Variants in GALNT18 observed in about 807,000 individuals in gnomAD.
GALNT18 encodes GalNAc-transferase 18.
GALNT18 carries 44 observed loss-of-function variants against 69.5 expected under a neutral mutation model. That is an observed-to-expected ratio of 0.63 (90% CI 0.50 to 0.81). GALNT18 has a LOEUF of 0.81. GALNT18 is among the 40% of genes least tolerant of loss of function. The pLI is 0.00. For synonymous variants in GALNT18, 364 were observed against 318.2 expected, an observed-to-expected ratio of 1.14 and a Z score of -1.53; for missense variants, 715 against 810.0, an observed-to-expected ratio of 0.88 and a Z score of 1.42.
In GALNT18 at chr11:11,341,009, A is replaced by C. The variant is rs762117391; in HGVS notation, c.1093-5T>G. The C allele has an allele frequency of 6.3e-7, 1 of 1,591,818 alleles. No individual in the cohort carries two copies. The highest frequency in any genetic ancestry group is 1.1e-5 in the South Asian group (1 of 88,566). On this transcript the variant is annotated splice_polypyrimidine_tract_variant and splice_region_variant and intron_variant, in intron 6 of 10. Coordinates refer to ENST00000227756, the MANE Select transcript of GALNT18 (RefSeq NM_198516.3). The surrounding 1 kb of genome is among the most constrained non-coding windows in gnomAD (Gnocchi z 6.3). ...ACTCCCGCCACACTGCCACACCTGC[A>C]GAAGACATGGAGCCACTTGTCAGAG... is the stretch of plus-strand genomic sequence containing the variant.
At chr11:11,378,633 T>A (rs1398148303) in intron 4 of GALNT18, among the ~76,000 whole-genome samples, 1 of 152,224 alleles carries the variant, frequency 6.6e-6, no homozygotes, top group Non-Finnish European at 1.5e-5. Context: ...CCAGGGCACC[T>A]GTGACAACAT....
intron 9 of GALNT18, among the ~76,000 whole-genome samples, chr11:11,305,207 T>C (rs7129986): frequency 0.64 from 97,369 of 152,048 alleles, 31,662 homozygotes; most frequent in Admixed American, 0.77. Flanking sequence ...AGACTGCTAA[T>C]GTTGCAAGTG....
chr11:11,314,032 G>T lies in GALNT18; in HGVS notation c.1512+13054C>A, dbSNP rs1226916219. On this transcript the variant is annotated intron_variant, in intron 9 of 10. Coordinates refer to ENST00000227756, the MANE Select transcript of GALNT18 (RefSeq NM_198516.3). This position sits in a 1 kb window ranked among gnomAD's most constrained non-coding sequence, Gnocchi z 5.2. ...TAATAGCACCCGCCCCCATTTTACT[G>T]ATCAGGGAGGCTCAGTGAGGTAATG... Among the ~76,000 whole-genome samples the T allele has an allele frequency of 2.0e-5, 3 of 152,146 alleles. No homozygotes were observed. The highest frequency in any genetic ancestry group is 4.4e-5 in the Non-Finnish European group (3 of 68,028).
At chr11:11,401,396 G>A (rs1425552795) in intron 3 of GALNT18, among the ~76,000 whole-genome samples, 1 of 152,186 alleles carries the variant, frequency 6.6e-6, no homozygotes, top group Non-Finnish European at 1.5e-5. Context: ...CTTCAGCTCT[G>A]ATGAGCTCAC....
intron 1 of GALNT18, among the ~76,000 whole-genome samples, chr11:11,552,594 G>T (rs1396861698): frequency 6.6e-6 from 1 of 152,164 alleles, no homozygotes. Flanking sequence ...CAGCCTCAGA[G>T]TTGGAATTAA....
In GALNT18 at chr11:11,293,271, AGGCAGCT is replaced by A; in HGVS notation, c.1513-85_1513-79del. The A allele has an allele frequency of 5.7e-6, 7 of 1,225,812 alleles. No homozygotes were observed. In the Admixed American group the frequency reaches 1.0e-4, roughly 18 times the overall value. 75.9% of individuals were successfully genotyped at this position (1,225,812 alleles called of 1,614,324 possible). A position where few individuals can be genotyped will look rare whatever the true frequency, so the allele number is the denominator to read the frequency against. On this transcript the variant is annotated intron_variant, in intron 9 of 10. Coordinates refer to ENST00000227756, the MANE Select transcript of GALNT18 (RefSeq NM_198516.3). ...CAGGAGCATAGGTGGTGATTCTTCC[AGGCAGCT>A]GGCAGAGAGGCCACAGTTAGGGAAG...
intron 1 of GALNT18, among the ~76,000 whole-genome samples, chr11:11,478,244 C>T (rs1002786810): frequency 2.0e-5 from 3 of 152,214 alleles, no homozygotes; most frequent in Non-Finnish European, 4.4e-5. Flanking sequence ...TTCAAAATTC[C>T]AGAGAAACTT....
chr11:11,455,869 G>T (rs574852997), intron 1 of GALNT18, among the ~76,000 whole-genome samples: 1 of 152,266 alleles, frequency 6.6e-6, no homozygotes, highest in South Asian at 2.1e-4. Context: ...TGGGCATATT[G>T]CTTCAGGCCT....
chr11:11,399,874 A>G (rs1298610569), intron 3 of GALNT18, among the ~76,000 whole-genome samples: 1 of 152,244 alleles, frequency 6.6e-6, no homozygotes, highest in East Asian at 1.9e-4. Context: ...AGCACTTACT[A>G]TGTGTTAAAT....
chr11:11,299,709 T>C lies in GALNT18; in HGVS notation c.1513-6516A>G, dbSNP rs149186377. On this transcript the variant is annotated intron_variant, in intron 9 of 10. Coordinates refer to ENST00000227756, the MANE Select transcript of GALNT18 (RefSeq NM_198516.3). ...ATATATACCACATTTTCTTTACTCA[T>C]TGGTTAATGGGCATTTAGGCTGGTT... 2.6e-3 allele frequency among the ~76,000 whole-genome samples: 401 copies of C among 152,316 alleles called. 1 individual carries two copies. Among genetic ancestry groups the C allele is most frequent in the African/African-American group, 9.0e-3 (374 of 41,560 alleles).
intron 1 of GALNT18, among the ~76,000 whole-genome samples, chr11:11,549,324 T>C (rs1858136866): frequency 6.6e-6 from 1 of 152,234 alleles, no homozygotes; most frequent in Non-Finnish European, 1.5e-5. Context: ...TACACTTCTA[T>C]CTTGCTTAAG....
At chr11:11,367,126 G>T (rs1850790730) in intron 6 of GALNT18, among the ~76,000 whole-genome samples, 1 of 152,108 alleles carries the variant, frequency 6.6e-6, no homozygotes. Context: ...CAGGGAGAGG[G>T]ACAGAATCAC....
intron 10 of GALNT18, among the ~76,000 whole-genome samples, chr11:11,272,306 T>A (rs1282592875): frequency 1.3e-5 from 2 of 152,212 alleles, no homozygotes; most frequent in Non-Finnish European, 2.9e-5. Flanking sequence ...TGTCCCCTTA[T>A]CCCTTTCCCA....
intron 1 of GALNT18, among the ~76,000 whole-genome samples, chr11:11,471,288 G>A (rs1330623071): frequency 6.6e-6 from 1 of 152,204 alleles, no homozygotes; most frequent in Non-Finnish European, 1.5e-5. Flanking sequence ...AGATGCACAA[G>A]AGAAGTTTGG....
intron 1 of GALNT18, 32 bp from the exon 2 acceptor site, chr11:11,448,968 C>A: frequency 6.6e-7 from 1 of 1,504,506 alleles, no homozygotes; most frequent in South Asian, 1.2e-5. Flanking sequence ...GACAGTGGGT[C>A]AGAGTGCACC....
At chr11:11,557,024 G>A (rs1653361245) in intron 1 of GALNT18, among the ~76,000 whole-genome samples, 1 of 152,162 alleles carries the variant, frequency 6.6e-6, no homozygotes, top group East Asian at 1.9e-4. Context: ...AGGCTCCCAT[G>A]CCAGGCCTTG....
At chr11:11,420,409 C>T (rs1029811947) in intron 3 of GALNT18, among the ~76,000 whole-genome samples, 1 of 152,164 alleles carries the variant, frequency 6.6e-6, no homozygotes, top group African/African-American at 2.4e-5. Flanking sequence ...AACTCTCATC[C>T]GCATGCTCCA....
At position 11,612,486 on chromosome 11, in the gene GALNT18, T is replaced by C. The variant is rs192806545; in HGVS notation, c.235+8873A>G. Reference sequence around the variant, plus strand: ...TATCCATTGGCCTAAGCAATTTTGGTACTGTTCTCCTAAATCCCCAGATGC... The same window carrying C: ...TATCCATTGGCCTAAGCAATTTTGGCACTGTTCTCCTAAATCCCCAGATGC... On this transcript the variant is annotated intron_variant, in intron 1 of 10. Coordinates refer to ENST00000227756, the MANE Select transcript of GALNT18 (RefSeq NM_198516.3). Among the ~76,000 whole-genome samples, 66 of 152,350 alleles carry C rather than the reference T, an allele frequency of 4.3e-4. 1 individual carries two copies. The East Asian group carries it at 0.011, about 26-fold the overall frequency.
chr11:11,369,532 T>C (rs12286476), intron 6 of GALNT18, among the ~76,000 whole-genome samples: 40,177 of 151,988 alleles, frequency 0.26, 7,578 homozygotes, highest in African/African-American at 0.53. Context: ...CTTGATTACA[T>C]CTGCAAGGAC....
Sources: allele counts gnomAD v4.1 joint callset (sites outside exome capture counted in the v4.1 genomes callset), GRCh38; gene constraint gnomAD v4.1.1; non-coding constraint Gnocchi (gnomAD v3.1); transcripts MANE v1.5; gene names NCBI Gene and HGNC (gene_info 2026-07-23, HGNC 2026-07-21).